The following MAST2 variants were observed in gnomAD, a reference collection of about 807,000 sequenced individuals.
The protein encoded by MAST2 is microtubule-associated serine/threonine-protein kinase 2.
Under a neutral mutation model 147.4 loss-of-function variants are expected in MAST2, and 70 were observed. The observed-to-expected ratio is 0.47, with a 90% CI of 0.39 to 0.58. The LOEUF is 0.58. MAST2 is among the 20% of genes least tolerant of loss of function. The pLI, the probability that MAST2 is intolerant of heterozygous loss-of-function variation, is 0.00. For missense variants in MAST2, 2,080 were observed against 2,302.3 expected, an observed-to-expected ratio of 0.90 and a Z score of 1.98; for synonymous variants, 869 against 896.8, an observed-to-expected ratio of 0.97 and a Z score of 0.55.
intron 7 of MAST2, among the ~76,000 whole-genome samples, chr1:46,005,760 A>G (rs1428845036): frequency 1.3e-5 from 2 of 152,170 alleles, no homozygotes; most frequent in Admixed American, 1.3e-4. Flanking sequence ...GGCACAATAC[A>G]TTGGCCAGCT....
chr1:45,862,487 A>ATTTTT (rs67344347), intron 3 of MAST2, among the ~76,000 whole-genome samples: 31,117 of 135,658 alleles, frequency 0.23, 3,698 homozygotes, highest in South Asian at 0.35. Context: ...AGGACTGAAG[A>ATTTTT]TTTTTTTTTT....
chr1:45,806,027 G>T (rs1255135910), intron 1 of MAST2, among the ~76,000 whole-genome samples: 5 of 152,020 alleles, frequency 3.3e-5, no homozygotes, highest in Non-Finnish European at 7.4e-5. Flanking sequence ...AGCTTTTTTT[G>T]TGTGGGATTA....
chr1:45,919,935 A>AT (rs1653185173), intron 4 of MAST2, among the ~76,000 whole-genome samples: 1 of 151,852 alleles, frequency 6.6e-6, no homozygotes, highest in Non-Finnish European at 1.5e-5. Context: ...TTTGCTAGAT[A>AT]TTTTTATATT....
intron 3 of MAST2, among the ~76,000 whole-genome samples, chr1:45,852,751 A>T (rs1195185644): frequency 6.6e-6 from 1 of 151,766 alleles, no homozygotes; most frequent in African/African-American, 2.4e-5. Context: ...TGTTTTTGAG[A>T]TCCGTCTAAA....
At chr1:45,819,248 GTC>G (rs150832670) in intron 1 of MAST2, among the ~76,000 whole-genome samples, 1,406 of 119,756 alleles carry the variant, frequency 0.012, 13 homozygotes, top group East Asian at 0.048. Flanking sequence ...AGCAAAGTCT[GTC>G]TCAAAAAAAA....
chr1:45,960,883 A>C (rs762058822), intron 5 of MAST2, among the ~76,000 whole-genome samples: 1 of 152,242 alleles, frequency 6.6e-6, no homozygotes, highest in Non-Finnish European at 1.5e-5. Context: ...ATGGGTCAGC[A>C]TCAAGCTGAG....
chr1:45,829,373 T>A, intron 2 of MAST2, 66 bp from the exon 3 acceptor site: 1 of 1,423,022 alleles, frequency 7.0e-7, no homozygotes. Flanking sequence ...ATCACTGTAT[T>A]TGTATTTTTT....
At chr1:45,966,636 C>T (rs747432323) in intron 5 of MAST2, among the ~76,000 whole-genome samples, 4 of 152,098 alleles carry the variant, frequency 2.6e-5, no homozygotes, top group Non-Finnish European at 4.4e-5. Flanking sequence ...GCAGGAGAAT[C>T]GCTTGAACCA....
intron 3 of MAST2, among the ~76,000 whole-genome samples, chr1:45,841,775 G>A (rs960090890): frequency 6.6e-6 from 1 of 152,184 alleles, no homozygotes; most frequent in Admixed American, 6.5e-5. Flanking sequence ...GTGTGTTGCG[G>A]TGGATTTTCC....
intron 4 of MAST2, among the ~76,000 whole-genome samples, chr1:45,902,536 T>A (rs921583894): frequency 2.0e-5 from 3 of 152,122 alleles, no homozygotes; most frequent in Admixed American, 6.5e-5. Flanking sequence ...TTTTTTTTTT[T>A]AATAGTTTCA....
intron 18 of MAST2, 66 bp from the exon 19 acceptor site, chr1:46,029,400 C>A: frequency 1.5e-6 from 2 of 1,352,522 alleles, no homozygotes; most frequent in South Asian, 1.3e-5. Context: ...TGTTCTGGGA[C>A]CCTCTTCTGC....
intron 5 of MAST2, among the ~76,000 whole-genome samples, chr1:45,977,264 G>T (rs767631890): frequency 2.0e-5 from 3 of 152,138 alleles, no homozygotes; most frequent in Non-Finnish European, 4.4e-5. Flanking sequence ...AAGGCGGGTG[G>T]ATCACCTGAG....
At chr1:45,905,104 C>T (rs1557888493) in intron 4 of MAST2, among the ~76,000 whole-genome samples, 1 of 151,572 alleles carries the variant, frequency 6.6e-6, no homozygotes, top group Non-Finnish European at 1.5e-5. Flanking sequence ...AGCCAGCGCA[C>T]CTGGTCACAA....
intron 4 of MAST2, among the ~76,000 whole-genome samples, chr1:45,927,306 G>T (rs763646067): frequency 6.6e-6 from 1 of 152,148 alleles, no homozygotes; most frequent in South Asian, 2.1e-4. Context: ...AGAGTTTTGA[G>T]ATCAACCGGT....
rs1367722216 is a variant in MAST2 at position 46,035,595 on chromosome 1, T to C, written c.4926T>C (p.Ser1642=). ...CTTCGGGACTCACCCCCACCAGCAG[T>C]TGCTCTCCTCCCAGCTCCACCTCTG... ...PSTSGLTPTS[S]CSPPSSTSGK... is the part of the protein sequence containing the mutation. Residue 1642 remains serine, a synonymous_variant, in exon 29 of 29, where the codon AGT becomes AGC. Coordinates refer to ENST00000361297, the MANE Select transcript of MAST2 (RefSeq NM_015112.3). This position sits in a 1 kb window ranked among gnomAD's most constrained non-coding sequence, Gnocchi z 5.5. The C allele has an allele frequency of 6.2e-7, 1 of 1,613,748 alleles. No individual in the cohort carries two copies. Among genetic ancestry groups the C allele is most frequent in the Non-Finnish European group, 8.5e-7 (1 of 1,179,988 alleles).
chr1:45,844,793 T>C (rs1645380909), intron 3 of MAST2, among the ~76,000 whole-genome samples: 1 of 152,188 alleles, frequency 6.6e-6, no homozygotes, highest in Non-Finnish European at 1.5e-5. Flanking sequence ...GATTGGTTTG[T>C]TCGTCCGTTT....
chr1:45,824,677 T>C, intron 2 of MAST2, 97 bp downstream of exon 2: 1 of 1,283,268 alleles, frequency 7.8e-7, no homozygotes, highest in Non-Finnish European at 1.1e-6. Flanking sequence ...GTTTCTTCTC[T>C]GGTAGTAGTC....
At chr1:45,948,460 C>A (rs920389606) in intron 4 of MAST2, among the ~76,000 whole-genome samples, 2 of 152,028 alleles carry the variant, frequency 1.3e-5, no homozygotes, top group Non-Finnish European at 1.5e-5. Context: ...GTAATCCCAG[C>A]ACTTTGGGAG....
chr1:45,982,307 T>G (rs1003491044), intron 5 of MAST2, among the ~76,000 whole-genome samples: 1 of 152,198 alleles, frequency 6.6e-6, no homozygotes, highest in African/African-American at 2.4e-5. Context: ...CCTTGGAATT[T>G]CCTGAAACAT....
Sources: gnomAD v4.1 joint callset for allele counts (sites outside exome capture counted in the v4.1 genomes callset) on GRCh38, gnomAD v4.1.1 for gene constraint, Gnocchi (gnomAD v3.1) non-coding constraint, MANE v1.5 for transcripts, NCBI Gene and HGNC (gene_info 2026-07-23, HGNC 2026-07-21) for gene names.